Variants in GALNT18 observed in about 807,000 individuals in gnomAD.
GALNT18 encodes the protein polypeptide N-acetylgalactosaminyltransferase 18.
In GALNT18, 44 loss-of-function variants were observed where a neutral mutation model predicts 69.5. The observed-to-expected ratio is 0.63, with a 90% CI of 0.50 to 0.81. The LOEUF is 0.81. Among genes scored for constraint, GALNT18 ranks in the 40% least tolerant of loss-of-function variants. The pLI is 0.00. For synonymous variants in GALNT18, 364 were observed against 318.2 expected (o/e 1.14, Z -1.53); for missense variants, 715 against 810.0 (o/e 0.88, Z 1.42).
chr11:11,295,214 G>T (rs149959551), intron 9 of GALNT18, among the ~76,000 whole-genome samples: 1 of 152,248 alleles, frequency 6.6e-6, no homozygotes, highest in Non-Finnish European at 1.5e-5. Flanking sequence ...TGAAGGGCAG[G>T]CAGGGTGTTC....
chr11:11,332,700 A>G lies in GALNT18; in HGVS notation c.1410T>C (p.Tyr470=). 6.2e-7 allele frequency: 1 copy of G among 1,614,124 alleles called. No homozygotes were observed. Residue 470 remains tyrosine, a synonymous_variant, in exon 8 of 11, where the codon TAT becomes TAC. Transcript: ENST00000227756. This position sits in a 1 kb window ranked among gnomAD's most constrained non-coding sequence, Gnocchi z 4.3. ...EMRMYSDIIA[Y]GVLQNSLKTD... ...GAGGAGGCCAGCTCCTTACCACTCCATAGGCAATGATGTCGGAGTACATCC... is the reference window on the plus strand; with the variant it reads ...GAGGAGGCCAGCTCCTTACCACTCCGTAGGCAATGATGTCGGAGTACATCC...
intron 1 of GALNT18, among the ~76,000 whole-genome samples, chr11:11,589,315 C>T (rs1280329336): frequency 6.6e-6 from 1 of 152,178 alleles, no homozygotes; most frequent in African/African-American, 2.4e-5. Flanking sequence ...ATCCTTCTTG[C>T]TTCTCTGAAT....
rs988496637 is a variant in GALNT18 at position 11,430,562 on chromosome 11, C to T, written c.595+2059G>A. Among the ~76,000 whole-genome samples, 1 of 152,200 alleles carries T rather than the reference C, an allele frequency of 6.6e-6. No homozygotes were observed. The highest frequency in any genetic ancestry group is 1.5e-5 in the Non-Finnish European group (1 of 68,034). ...GTTGTGAAAGGTCTAGGGTGCTGCT[C>T]GTCTGCATCCCTGATGACGGACTAC... On this transcript the variant is annotated intron_variant, in intron 3 of 10. Coordinates refer to ENST00000227756, the MANE Select transcript of GALNT18 (RefSeq NM_198516.3). This position sits in a 1 kb window ranked among gnomAD's most constrained non-coding sequence, Gnocchi z 4.9.
chr11:11,440,214 G>A (rs1047178136), intron 2 of GALNT18, among the ~76,000 whole-genome samples: 1 of 152,224 alleles, frequency 6.6e-6, no homozygotes, highest in East Asian at 1.9e-4. Flanking sequence ...TCAGGAAAGA[G>A]AATCATTTAC....
chr11:11,429,677 T>C (rs1156315730), intron 3 of GALNT18, among the ~76,000 whole-genome samples: 1 of 152,200 alleles, frequency 6.6e-6, no homozygotes, highest in African/African-American at 2.4e-5. Context: ...GACTTTTCCG[T>C]GGTCAGTTAT....
intron 1 of GALNT18, among the ~76,000 whole-genome samples, chr11:11,491,945 T>G (rs1383191028): frequency 6.6e-6 from 1 of 152,180 alleles, no homozygotes. Flanking sequence ...AAATCAGTAA[T>G]GAAAAGCTCA....
chr11:11,410,855 G>C (rs1230294817), intron 3 of GALNT18, among the ~76,000 whole-genome samples: 2 of 152,298 alleles, frequency 1.3e-5, no homozygotes, highest in East Asian at 3.9e-4. Flanking sequence ...CAAGCTGTTA[G>C]CTGTCACTGA....
chr11:11,285,266 A>C (rs1704436727), intron 10 of GALNT18, among the ~76,000 whole-genome samples: 1 of 152,104 alleles, frequency 6.6e-6, no homozygotes, highest in Non-Finnish European at 1.5e-5. Context: ...GGATTCCCAG[A>C]TCTGATTTTT....
At chr11:11,495,480 T>A (rs1328334869) in intron 1 of GALNT18, among the ~76,000 whole-genome samples, 1 of 152,160 alleles carries the variant, frequency 6.6e-6, no homozygotes, top group Admixed American at 6.5e-5. Context: ...TTGTTGGTCC[T>A]CCAGAGGAAA....
At chr11:11,286,757 A>G (rs1053939737) in intron 10 of GALNT18, among the ~76,000 whole-genome samples, 6 of 152,178 alleles carry the variant, frequency 3.9e-5, no homozygotes, top group Admixed American at 6.5e-5. Flanking sequence ...GGCTGATGGA[A>G]GAAGAGAGGG....
At position 11,383,816 on chromosome 11, in the gene GALNT18, C is replaced by CCTCTCTCTCT. The variant is rs145122557; in HGVS notation, c.596-4562_596-4553dup. ...ATCTGATGGTTTAAGTGTGGCACTT[C>CCTCTCTCTCT]CTCTCTCTCTCTCTCTCTCTCTCTG... On this transcript the variant is annotated intron_variant, in intron 3 of 10. Coordinates refer to ENST00000227756, the MANE Select transcript of GALNT18 (RefSeq NM_198516.3). This position sits in a 1 kb window ranked among gnomAD's most constrained non-coding sequence, Gnocchi z 5.2. 1.4e-5 allele frequency among the ~76,000 whole-genome samples: 2 copies of CCTCTCTCTCT among 147,814 alleles called. No individual in the cohort carries two copies. The highest frequency in any genetic ancestry group is 3.6e-3 in the Middle Eastern group (1 of 280).
rs767538319 is a variant in GALNT18, at chr11:11,406,101, TTGTGAAC to T, written c.595+26513_595+26519del. ...GTATCTCCCTATTGTGATTTTCTCCTTGTGAACTGTGTAACTTATATCATCATCTTAA... is the reference window on the plus strand; with the variant it reads ...GTATCTCCCTATTGTGATTTTCTCCTTGTGTAACTTATATCATCATCTTAA... On this transcript the variant is annotated intron_variant, in intron 3 of 10. Coordinates refer to ENST00000227756, the MANE Select transcript of GALNT18 (RefSeq NM_198516.3). Among the ~76,000 whole-genome samples, 98 of 152,374 alleles carry T rather than the reference TTGTGAAC, an allele frequency of 6.4e-4. 1 individual carries two copies. The highest frequency in any genetic ancestry group is 4.4e-4 in the Non-Finnish European group (30 of 68,046).
At chr11:11,280,635 C>A (rs77433727) in intron 10 of GALNT18, among the ~76,000 whole-genome samples, 3 of 152,130 alleles carry the variant, frequency 2.0e-5, no homozygotes, top group Admixed American at 2.0e-4. Flanking sequence ...CCTGGTGGGA[C>A]AATTTTGTAT....
intron 1 of GALNT18, among the ~76,000 whole-genome samples, chr11:11,460,849 C>T (rs1209230010): frequency 6.6e-6 from 1 of 152,164 alleles, no homozygotes; most frequent in Non-Finnish European, 1.5e-5. Flanking sequence ...AGGGGGGATT[C>T]AGAACCCTCT....
chr11:11,511,866 G>T lies in GALNT18; in HGVS notation c.236-62930C>A, dbSNP rs1179941339. 6.6e-6 allele frequency among the ~76,000 whole-genome samples: 1 copy of T among 152,088 alleles called. No individual in the cohort carries two copies. Among genetic ancestry groups the T allele is most frequent in the Non-Finnish European group, 1.5e-5 (1 of 68,010 alleles). On this transcript the variant is annotated intron_variant, in intron 1 of 10. Coordinates refer to ENST00000227756, the MANE Select transcript of GALNT18 (RefSeq NM_198516.3). This position sits in a 1 kb window ranked among gnomAD's most constrained non-coding sequence, Gnocchi z 4.9. Reference sequence around the variant, plus strand: ...CTGGTACCCTGATCTGGGACTTTCAGCCCCCAGAACTATGAAAAATCAATT... The same window carrying T: ...CTGGTACCCTGATCTGGGACTTTCATCCCCCAGAACTATGAAAAATCAATT...
chr11:11,320,359 T>C lies in GALNT18; in HGVS notation c.1512+6727A>G, dbSNP rs1023674745. Among the ~76,000 whole-genome samples, 2 of 152,236 alleles carry C rather than the reference T, an allele frequency of 1.3e-5. No homozygotes were observed. The highest frequency in any genetic ancestry group is 2.9e-5 in the Non-Finnish European group (2 of 68,038). On this transcript the variant is annotated intron_variant, in intron 9 of 10. Coordinates refer to ENST00000227756, the MANE Select transcript of GALNT18 (RefSeq NM_198516.3). This position sits in a 1 kb window ranked among gnomAD's most constrained non-coding sequence, Gnocchi z 4.9. ...ACAGTGCACAACCTGCACAATGGCA[T>C]GTGACAGTTCCATCCGTGCATACAC...
In GALNT18 at chr11:11,465,766, C is replaced by G. The variant is rs1412819330; in HGVS notation, c.236-16830G>C. Among the ~76,000 whole-genome samples the G allele has an allele frequency of 6.6e-6, 1 of 152,174 alleles. No homozygotes were observed. Among genetic ancestry groups the G allele is most frequent in the Non-Finnish European group, 1.5e-5 (1 of 68,018 alleles). On this transcript the variant is annotated intron_variant, in intron 1 of 10. Coordinates refer to ENST00000227756, the MANE Select transcript of GALNT18 (RefSeq NM_198516.3). This position sits in a 1 kb window ranked among gnomAD's most constrained non-coding sequence, Gnocchi z 5.7. Reference sequence around the variant, plus strand: ...TCCATATTAACCTCTTCTCCTCTGCCAGGCCCCAGGAGGATGTGGAATTAC... The same window carrying G: ...TCCATATTAACCTCTTCTCCTCTGCGAGGCCCCAGGAGGATGTGGAATTAC...
In GALNT18 at chr11:11,564,555, G is replaced by A. The variant is rs1858596793; in HGVS notation, c.235+56804C>T. Among the ~76,000 whole-genome samples the A allele has an allele frequency of 6.6e-6, 1 of 152,168 alleles. No individual in the cohort carries two copies. ...GCTGAAAGAGTCATTTGCCTCAAAG[G>A]CAAACCTGAAAACTGTCAGAGCTCA... On this transcript the variant is annotated intron_variant, in intron 1 of 10. Coordinates refer to ENST00000227756, the MANE Select transcript of GALNT18 (RefSeq NM_198516.3). This position sits in a 1 kb window ranked among gnomAD's most constrained non-coding sequence, Gnocchi z 4.3.
At chr11:11,528,588 G>T (rs547460499) in intron 1 of GALNT18, among the ~76,000 whole-genome samples, 1 of 152,322 alleles carries the variant, frequency 6.6e-6, no homozygotes, top group South Asian at 2.1e-4. Flanking sequence ...GATACTGTCA[G>T]ATCTTTTTGT....
Sources: gnomAD v4.1 joint callset for allele counts (sites outside exome capture counted in the v4.1 genomes callset) on GRCh38, gnomAD v4.1.1 for gene constraint, Gnocchi (gnomAD v3.1) non-coding constraint, MANE v1.5 for transcripts, NCBI Gene and HGNC (gene_info 2026-07-23, HGNC 2026-07-21) for gene names.